The following MARCHF1 variants were observed in gnomAD, a reference collection of about 807,000 sequenced individuals.
MARCHF1 encodes the protein E3 ubiquitin-protein ligase MARCHF1.
Under a neutral mutation model 54.2 loss-of-function variants are expected in MARCHF1, and 40 were observed. The ratio of observed to expected loss-of-function variants is 0.74; its 90% CI spans 0.57 to 0.96. The LOEUF (loss-of-function observed/expected upper bound fraction) is 0.96. Among genes scored for constraint, MARCHF1 ranks in the 40% least tolerant of loss-of-function variants. MARCHF1 has a pLI of 0.00. For synonymous variants in MARCHF1, 236 were observed against 236.3 expected, an observed-to-expected ratio of 1.00 and a Z score of 0.01; for missense variants, 586 against 656.5, an observed-to-expected ratio of 0.89 and a Z score of 1.17.
intron 1 of MARCHF1, among the ~76,000 whole-genome samples, chr4:164,179,901 G>A (rs1305101083): frequency 6.7e-6 from 1 of 150,280 alleles, no homozygotes; most frequent in African/African-American, 2.5e-5. Context: ...AATTTCCAGA[G>A]GGAGAATTTG....
chr4:164,212,786 A>C (rs1034895840), intron 1 of MARCHF1, among the ~76,000 whole-genome samples: 19 of 152,100 alleles, frequency 1.2e-4, no homozygotes, highest in African/African-American at 4.6e-4. Flanking sequence ...TTTAATCATC[A>C]TGCTAGCCAT....
At chr4:164,034,068 CAGATAGATAGATAGATAGATAGAT>C (rs199977044) in intron 2 of MARCHF1, among the ~76,000 whole-genome samples, 2 of 110,162 alleles carry the variant, frequency 1.8e-5, no homozygotes, top group South Asian at 3.0e-4. Context: ...ATGTGATAGA[CAGATAGATAGATAGATAGATAGAT>C]AGATAGATAG....
chr4:164,174,413 AT>A (rs1250209010), intron 1 of MARCHF1, among the ~76,000 whole-genome samples: 1 of 152,200 alleles, frequency 6.6e-6, no homozygotes, highest in African/African-American at 2.4e-5. Flanking sequence ...AAAATTATTT[AT>A]TAAGCACTGC....
intron 4 of MARCHF1, among the ~76,000 whole-genome samples, chr4:163,833,805 T>C (rs1465729648): frequency 6.6e-6 from 1 of 152,116 alleles, no homozygotes; most frequent in Admixed American, 6.6e-5. Context: ...ACAATGGAAA[T>C]GGGGACAATT....
chr4:164,377,591 G>GCA (rs56204290), intron 1 of MARCHF1, among the ~76,000 whole-genome samples: 4,000 of 149,434 alleles, frequency 0.027, 99 homozygotes, highest in African/African-American at 0.055. Context: ...TACTTTTTAT[G>GCA]CACACACACA....
intron 4 of MARCHF1, among the ~76,000 whole-genome samples, chr4:163,829,482 T>G (rs1748955850): frequency 6.6e-6 from 1 of 152,168 alleles, no homozygotes; most frequent in Non-Finnish European, 1.5e-5. Flanking sequence ...CTTTAATATA[T>G]GCCAATTTAA....
chr4:163,663,239 G>A (rs10025301), intron 5 of MARCHF1, among the ~76,000 whole-genome samples: 96,187 of 144,830 alleles, frequency 0.66, 31,843 homozygotes, highest in African/African-American at 0.76. Flanking sequence ...TTTTTTTTTA[G>A]ATTTAGGGCT....
intron 4 of MARCHF1, among the ~76,000 whole-genome samples, chr4:163,843,187 G>A (rs557814534): frequency 6.6e-6 from 1 of 152,162 alleles, no homozygotes; most frequent in East Asian, 1.9e-4. Flanking sequence ...TGCTGCAAAG[G>A]ACATGATTTT....
intron 4 of MARCHF1, among the ~76,000 whole-genome samples, chr4:163,796,065 AAG>A (rs1324056571): frequency 7.2e-5 from 11 of 152,050 alleles, no homozygotes; most frequent in African/African-American, 2.7e-4. Flanking sequence ...GAGGAGCAAA[AAG>A]AGGGGTTGGT....
intron 5 of MARCHF1, among the ~76,000 whole-genome samples, chr4:163,680,469 T>A (rs1744067256): frequency 6.6e-6 from 1 of 152,226 alleles, no homozygotes; most frequent in African/African-American, 2.4e-5. Context: ...ATAATCTTTC[T>A]CAGTATTACT....
At chr4:164,133,672 C>A (rs546399400) in intron 1 of MARCHF1, among the ~76,000 whole-genome samples, 4 of 152,178 alleles carry the variant, frequency 2.6e-5, no homozygotes, top group East Asian at 1.9e-4. Flanking sequence ...CCTAGGCTGT[C>A]GGTAAGTTCT....
At chr4:164,287,786 G>T (rs892952508) in intron 1 of MARCHF1, among the ~76,000 whole-genome samples, 3 of 152,044 alleles carry the variant, frequency 2.0e-5, no homozygotes, top group African/African-American at 7.2e-5. Flanking sequence ...CTTTAGAATC[G>T]AATAGTTATT....
At chr4:163,643,311 G>A (rs1352672067) in intron 5 of MARCHF1, among the ~76,000 whole-genome samples, 1 of 93,332 alleles carries the variant, frequency 1.1e-5, no homozygotes, top group African/African-American at 2.9e-5. Context: ...ATGAGTGACA[G>A]AGTGAGACCC....
intron 5 of MARCHF1, among the ~76,000 whole-genome samples, chr4:163,697,789 A>C (rs1744682369): frequency 6.6e-6 from 1 of 152,212 alleles, no homozygotes; most frequent in African/African-American, 2.4e-5. Flanking sequence ...GAATATATGT[A>C]TACATTTTAT....
At chr4:163,576,392 G>C (rs1389217595) in intron 8 of MARCHF1, among the ~76,000 whole-genome samples, 1 of 152,022 alleles carries the variant, frequency 6.6e-6, no homozygotes, top group Non-Finnish European at 1.5e-5. Context: ...ATTTCACCAT[G>C]GTTCAATAGT....
intron 5 of MARCHF1, among the ~76,000 whole-genome samples, chr4:163,645,935 G>C (rs138053042): frequency 0.012 from 1,760 of 151,858 alleles, 17 homozygotes; most frequent in Non-Finnish European, 0.016. Flanking sequence ...AGGGAGAAGA[G>C]AACAAAAAAG....
rs558682152 is a variant in MARCHF1, at chr4:163,714,290, TA to T, written c.112-13428del. 4.7e-3 allele frequency among the ~76,000 whole-genome samples: 715 copies of T among 152,358 alleles called. 9 individuals carry two copies. The highest frequency in any genetic ancestry group is 0.043 in the South Asian group (210 of 4,830). On this transcript the variant is annotated intron_variant, in intron 4 of 9. Transcript: ENST00000514618. ...TTCCAAATAAATATGCAATGTAAGT[TA>T]AAACACTGTGTGTGCTATATAAATT... is the stretch of plus-strand genomic sequence containing the variant.
At chr4:163,592,791 T>C (rs566398492) in intron 7 of MARCHF1, among the ~76,000 whole-genome samples, 1 of 152,092 alleles carries the variant, frequency 6.6e-6, no homozygotes, top group African/African-American at 2.4e-5. Flanking sequence ...TCATCTAGCC[T>C]AGTGGTTCAG....
chr4:163,793,137 A>AAATGTTAT (rs1215181795), intron 4 of MARCHF1, among the ~76,000 whole-genome samples: 1 of 152,222 alleles, frequency 6.6e-6, no homozygotes, highest in African/African-American at 2.4e-5. Context: ...ATGGAATAAA[A>AAATGTTAT]AATGTTATTC....
Sources: gnomAD v4.1 joint callset for allele counts (sites outside exome capture counted in the v4.1 genomes callset) on GRCh38, gnomAD v4.1.1 for gene constraint, MANE v1.5 for transcripts, NCBI Gene and HGNC (gene_info 2026-07-23, HGNC 2026-07-21) for gene names.